Variants in ZBTB20 observed in about 807,000 individuals in gnomAD.
ZBTB20 encodes zinc finger and BTB domain containing 20.
ZBTB20 carries 9 observed loss-of-function variants against 56.9 expected under a neutral mutation model. That is an observed-to-expected ratio of 0.16 (90% CI 0.10 to 0.28). ZBTB20 has a LOEUF of 0.28. ZBTB20 is among the 10% of genes least tolerant of loss of function. ZBTB20 has a pLI of 1.00. For synonymous variants in ZBTB20, 417 were observed against 420.7 expected (o/e 0.99, Z 0.11); for missense variants, 655 against 1,003.0 (o/e 0.65, Z 4.69).
chr3:114,364,605 C>A (rs1161280315), intron 10 of ZBTB20, among the ~76,000 whole-genome samples: 2 of 152,190 alleles, frequency 1.3e-5, no homozygotes, highest in Non-Finnish European at 2.9e-5. Flanking sequence ...ACCATGCATG[C>A]CTCTAGTACA....
chr3:114,858,158 G>A (rs998429991), intron 4 of ZBTB20, among the ~76,000 whole-genome samples: 1 of 152,024 alleles, frequency 6.6e-6, no homozygotes, highest in Non-Finnish European at 1.5e-5. Context: ...AATTATATTA[G>A]GCATTTTTCA....
chr3:115,012,015 T>C (rs1214917709), intron 2 of ZBTB20, among the ~76,000 whole-genome samples: 4 of 151,730 alleles, frequency 2.6e-5, no homozygotes, highest in Admixed American at 6.6e-5. Context: ...GCTTATAAGA[T>C]AGTAGATGCA....
chr3:114,558,328 T>C (rs188004424), intron 6 of ZBTB20, among the ~76,000 whole-genome samples: 5 of 152,128 alleles, frequency 3.3e-5, no homozygotes, highest in Admixed American at 1.3e-4. Flanking sequence ...CTAAGGACTT[T>C]ATCAGTTACT....
chr3:114,329,896 T>G lies in ZBTB20; in HGVS notation c.*9109A>C, dbSNP rs995843424. The G allele has an allele frequency of 6.6e-6, 1 of 152,184 alleles. No individual in the cohort carries two copies. The highest frequency in any genetic ancestry group is 2.4e-5 in the African/African-American group (1 of 41,446). 9.4% of individuals were successfully genotyped at this position (152,184 alleles called of 1,614,324 possible). A position where few individuals can be genotyped will look rare whatever the true frequency, so the allele number is the denominator to read the frequency against. ...CAGTGGGGACAACTAGGTAATTCAC[T>G]GTCTTACGCTTTTCAGAAGACTGGC... is the stretch of plus-strand genomic sequence containing the variant. On this transcript the variant is annotated 3_prime_UTR_variant, in exon 12 of 12. Coordinates refer to ENST00000675478, the MANE Select transcript of ZBTB20 (RefSeq NM_001348800.3).
intron 5 of ZBTB20, among the ~76,000 whole-genome samples, chr3:114,772,102 G>A (rs1439747804): frequency 1.3e-5 from 2 of 152,134 alleles, no homozygotes; most frequent in African/African-American, 4.8e-5. Context: ...CACTTTCGGA[G>A]GCTGAGGCAG....
chr3:114,474,835 A>G (rs2040560620), intron 7 of ZBTB20, among the ~76,000 whole-genome samples: 1 of 152,104 alleles, frequency 6.6e-6, no homozygotes. Context: ...CCCCTGCCCT[A>G]GTTAGTGCCT....
Position 114,811,945 on chromosome 3 carries a change from G to A in ZBTB20, c.-416-10771C>T, listed in dbSNP as rs200763479. On this transcript the variant is annotated intron_variant, in intron 4 of 11. Coordinates refer to ENST00000675478, the MANE Select transcript of ZBTB20 (RefSeq NM_001348800.3). Reference sequence around the variant, plus strand: ...GGTGAGTGTTACAGTTCTTAAAGGCGGCGTCTCCGCAGTTTGTTCCTTCTG... The same window carrying A: ...GGTGAGTGTTACAGTTCTTAAAGGCAGCGTCTCCGCAGTTTGTTCCTTCTG... Among the ~76,000 whole-genome samples, 40 of 152,208 alleles carry A rather than the reference G, an allele frequency of 2.6e-4. No individual in the cohort carries two copies. The East Asian group carries it at 5.4e-3, about 21-fold the overall frequency.
At chr3:114,388,724 AC>A (rs2085451643) in intron 8 of ZBTB20, 2 of 152,380 alleles carry the variant, frequency 1.3e-5, no homozygotes, top group Admixed American at 1.3e-4. Context: ...ACATAGAGGC[AC>A]AGATGACCAA....
intron 1 of ZBTB20, among the ~76,000 whole-genome samples, chr3:115,104,229 G>A (rs2083660003): frequency 6.6e-6 from 1 of 152,190 alleles, no homozygotes; most frequent in Non-Finnish European, 1.5e-5. Context: ...GGAGCAACAG[G>A]AACTCTCATT....
rs780176352 is a variant in ZBTB20, at chr3:114,911,304, C to T, written c.-455-10962G>A. ...CTCCAACATCCTGTATCAAAAACAT[C>T]GACAAAGGGGCCTGGAAGAAGTCAT... On this transcript the variant is annotated intron_variant, in intron 3 of 11. Coordinates refer to ENST00000675478, the MANE Select transcript of ZBTB20 (RefSeq NM_001348800.3). 2.0e-5 allele frequency among the ~76,000 whole-genome samples: 3 copies of T among 151,972 alleles called. No homozygotes were observed. In the South Asian group the frequency reaches 6.2e-4, roughly 32 times the overall value.
At chr3:114,444,151 T>C (rs1468892696) in intron 7 of ZBTB20, among the ~76,000 whole-genome samples, 1 of 152,180 alleles carries the variant, frequency 6.6e-6, no homozygotes, top group Non-Finnish European at 1.5e-5. Flanking sequence ...AACTCATACT[T>C]TGATAAGATA....
chr3:114,990,975 G>A (rs569933179), intron 2 of ZBTB20, among the ~76,000 whole-genome samples: 4 of 151,976 alleles, frequency 2.6e-5, no homozygotes, highest in South Asian at 2.1e-4. Flanking sequence ...TTTTTATTGC[G>A]TCTATTTGAT....
At chr3:114,628,317 G>A (rs11717204) in intron 6 of ZBTB20, among the ~76,000 whole-genome samples, 6,353 of 152,112 alleles carry the variant, frequency 0.042, 222 homozygotes, top group Middle Eastern at 0.12. Flanking sequence ...ATTTGAAGGC[G>A]TTTAAGGAAA....
chr3:115,066,253 C>T (rs1467770565), intron 2 of ZBTB20, among the ~76,000 whole-genome samples: 1 of 152,090 alleles, frequency 6.6e-6, no homozygotes, highest in African/African-American at 2.4e-5. Flanking sequence ...CAACCTCCTA[C>T]TCCTAAAATA....
At chr3:114,783,944 G>A (rs1216650327) in intron 5 of ZBTB20, among the ~76,000 whole-genome samples, 3 of 152,112 alleles carry the variant, frequency 2.0e-5, no homozygotes, top group African/African-American at 7.2e-5. Flanking sequence ...CCACATAGGA[G>A]TCACAGTGGA....
chr3:114,768,717 G>A (rs1428807563), intron 5 of ZBTB20, among the ~76,000 whole-genome samples: 1 of 152,140 alleles, frequency 6.6e-6, no homozygotes. Flanking sequence ...TAGCTCATCT[G>A]ATGTGACTAT....
chr3:114,513,625 G>T (rs932587762), intron 6 of ZBTB20, among the ~76,000 whole-genome samples: 1 of 152,114 alleles, frequency 6.6e-6, no homozygotes. Context: ...GATATTTTCT[G>T]GCAGTAAGAG....
Position 114,341,495 on chromosome 3 carries a change from G to T in ZBTB20, c.1805-2069C>A, listed in dbSNP as rs373189490. ...TTAAATTCCAGATGGTATTTTGGCT[G>T]CTAAGAAGTTGAAACTTCACCTATG... is the stretch of plus-strand genomic sequence containing the variant. On this transcript the variant is annotated intron_variant, in intron 11 of 11. Coordinates refer to ENST00000675478, the MANE Select transcript of ZBTB20 (RefSeq NM_001348800.3). 3.0e-4 allele frequency among the ~76,000 whole-genome samples: 46 copies of T among 152,298 alleles called. 1 individual carries two copies. The highest frequency in any genetic ancestry group is 1.0e-3 in the African/African-American group (43 of 41,564).
intron 5 of ZBTB20, among the ~76,000 whole-genome samples, chr3:114,795,502 G>A (rs974166198): frequency 2.0e-5 from 3 of 152,004 alleles, no homozygotes; most frequent in East Asian, 1.9e-4. Flanking sequence ...TTGAATACAG[G>A]ATTTTGTATA....
Sources: gnomAD v4.1 joint callset for allele counts (sites outside exome capture counted in the v4.1 genomes callset) on GRCh38, gnomAD v4.1.1 for gene constraint, MANE v1.5 for transcripts, NCBI Gene and HGNC (gene_info 2026-07-23, HGNC 2026-07-21) for gene names.